Variants in PAPSS1 observed in about 807,000 individuals in gnomAD.
The protein encoded by PAPSS1 is bifunctional 3'-phosphoadenosine 5'-phosphosulfate synthase 1.
In PAPSS1, 50 loss-of-function variants were observed where a neutral mutation model predicts 72.0. That is an observed-to-expected ratio of 0.69 (90% confidence interval 0.55 to 0.88). The LOEUF (loss-of-function observed/expected upper bound fraction) is 0.88, where lower values mean the gene tolerates loss of function less well. PAPSS1 is among the 40% of genes least tolerant of loss of function. The probability of loss-of-function intolerance (pLI) is 0.00; values close to 1 mark genes in which losing one functional copy is unlikely to be tolerated. For synonymous variants in PAPSS1, 261 were observed against 263.6 expected (o/e 0.99, Z 0.09); for missense variants, 657 against 782.2 (o/e 0.84, Z 1.91).
intron 9 of PAPSS1, 126 bp downstream of exon 9, chr4:107,653,365 C>A: frequency 1.4e-6 from 1 of 711,090 alleles, no homozygotes; most frequent in East Asian, 2.9e-5. Flanking sequence ...GACTACCTTT[C>A]TTTACATATT....
chr4:107,714,092 C>G (rs1578441256), intron 1 of PAPSS1, among the ~76,000 whole-genome samples: 1 of 152,296 alleles, frequency 6.6e-6, no homozygotes, highest in South Asian at 2.1e-4. Context: ...CCAATTTTAG[C>G]AGAAATCCCC....
chr4:107,680,506 G>A (rs1274638962), intron 5 of PAPSS1, among the ~76,000 whole-genome samples: 1 of 152,172 alleles, frequency 6.6e-6, no homozygotes, highest in Non-Finnish European at 1.5e-5. Context: ...GAAAGCCCCT[G>A]TGCCTCCCAG....
chr4:107,635,889 C>G (rs573463877), intron 10 of PAPSS1, among the ~76,000 whole-genome samples: 9 of 152,250 alleles, frequency 5.9e-5, no homozygotes, highest in Admixed American at 5.2e-4. Context: ...GTTTCATGGA[C>G]TTGGTGACAT....
At chr4:107,692,180 A>C (rs1722941398) in intron 3 of PAPSS1, among the ~76,000 whole-genome samples, 1 of 152,240 alleles carries the variant, frequency 6.6e-6, no homozygotes, top group Non-Finnish European at 1.5e-5. Flanking sequence ...AATAAAAGCA[A>C]AACTTGACAA....
chr4:107,716,950 T>A (rs1723654114), intron 1 of PAPSS1, among the ~76,000 whole-genome samples: 1 of 152,188 alleles, frequency 6.6e-6, no homozygotes, highest in Non-Finnish European at 1.5e-5. Flanking sequence ...TTTCCTTATA[T>A]TCTTTAACTC....
intron 6 of PAPSS1, among the ~76,000 whole-genome samples, chr4:107,659,272 AGTTTT>A (rs797005329): frequency 3.9e-5 from 6 of 152,296 alleles, no homozygotes; most frequent in African/African-American, 1.4e-4. Context: ...CAAGCCTAGA[AGTTTT>A]GTTTTGTTTT....
chr4:107,683,230 C>T (rs1181695833), intron 4 of PAPSS1, among the ~76,000 whole-genome samples: 1 of 152,082 alleles, frequency 6.6e-6, no homozygotes, highest in Non-Finnish European at 1.5e-5. Flanking sequence ...ATATATACTA[C>T]AAACCTACAG....
intron 3 of PAPSS1, among the ~76,000 whole-genome samples, chr4:107,691,095 C>A (rs567795635): frequency 1.3e-5 from 2 of 152,068 alleles, no homozygotes; most frequent in South Asian, 4.2e-4. Context: ...TTTTAGGACT[C>A]CTGCCATGGT....
intron 3 of PAPSS1, among the ~76,000 whole-genome samples, 163 bp downstream of exon 3, chr4:107,693,608 T>G (rs1722996921): frequency 6.6e-6 from 1 of 152,148 alleles, no homozygotes. Context: ...CATAGAAATG[T>G]TTTAGGTTAT....
rs763786456 is a variant in PAPSS1 at position 107,631,656 on chromosome 4, G to A, written c.1711C>T (p.Arg571Cys). ...TGTTCAGAGTCATAGTAGTCCATAC[G>A]CTTCTTTTTCTTGTTGTAAGCTGCA... ...RVAAYNKKKKRMDYYDSEHHE... is the reference protein window; with the variant it reads ...RVAAYNKKKKCMDYYDSEHHE... The change falls in exon 11 of 12, where the codon CGT becomes TGT. Residue 571 changes from arginine (R) to cysteine (C), a missense_variant. This residue lies in a region of PAPSS1 where 103 missense variants were observed against 93.8 expected (regional missense o/e 1.10). Coordinates refer to ENST00000265174, the MANE Select transcript of PAPSS1 (RefSeq NM_005443.5). 110 of 1,613,082 alleles carry A rather than the reference G, an allele frequency of 6.8e-5. No homozygotes were observed. Among genetic ancestry groups the A allele is most frequent in the Non-Finnish European group, 8.6e-5 (101 of 1,179,210 alleles).
chr4:107,646,663 T>C (rs1256221902), intron 9 of PAPSS1, among the ~76,000 whole-genome samples: 3 of 152,134 alleles, frequency 2.0e-5, no homozygotes, highest in African/African-American at 7.2e-5. Flanking sequence ...AGCCACACTA[T>C]GACAACAGCA....
At chr4:107,718,813 G>C (rs1318816708) in intron 1 of PAPSS1, among the ~76,000 whole-genome samples, 1 of 152,258 alleles carries the variant, frequency 6.6e-6, no homozygotes, top group Non-Finnish European at 1.5e-5. Context: ...TAAGGTAAGA[G>C]AAGCGAAACT....
intron 10 of PAPSS1, among the ~76,000 whole-genome samples, chr4:107,633,993 AG>A (rs1242459909): frequency 6.6e-6 from 1 of 151,702 alleles, no homozygotes; most frequent in African/African-American, 2.4e-5. Flanking sequence ...TCAAATTAGC[AG>A]CAATTCTATG....
At chr4:107,636,943 A>G (rs1245679520) in intron 10 of PAPSS1, among the ~76,000 whole-genome samples, 1 of 152,230 alleles carries the variant, frequency 6.6e-6, no homozygotes, top group South Asian at 2.1e-4. Flanking sequence ...TCAAACAAGT[A>G]AGAATTAGTT....
chr4:107,703,757 G>A (rs992278950), intron 1 of PAPSS1, among the ~76,000 whole-genome samples: 1 of 152,148 alleles, frequency 6.6e-6, no homozygotes, highest in Non-Finnish European at 1.5e-5. Context: ...TATAGCTTCA[G>A]AGTGTGTTTT....
intron 11 of PAPSS1, among the ~76,000 whole-genome samples, chr4:107,628,607 T>A (rs1191799084): frequency 6.6e-6 from 1 of 152,218 alleles, no homozygotes; most frequent in East Asian, 1.9e-4. Context: ...AAAAAAATTA[T>A]CTGTTTTGCT....
chr4:107,635,043 C>T (rs1192128779), intron 10 of PAPSS1, among the ~76,000 whole-genome samples: 4 of 152,070 alleles, frequency 2.6e-5, no homozygotes, highest in African/African-American at 7.2e-5. Context: ...TGTGATCCGC[C>T]CGCCTTGGCC....
intron 5 of PAPSS1, among the ~76,000 whole-genome samples, chr4:107,674,313 G>A (rs1180274793): frequency 1.3e-5 from 2 of 152,088 alleles, no homozygotes; most frequent in Non-Finnish European, 2.9e-5. Context: ...GACACACATA[G>A]GCTCAAATAA....
intron 4 of PAPSS1, among the ~76,000 whole-genome samples, chr4:107,684,232 C>T (rs55869415): frequency 5.9e-5 from 9 of 152,068 alleles, no homozygotes; most frequent in African/African-American, 2.2e-4. Context: ...TTTTATCTTG[C>T]CCAAATTCCT....
Sources: gnomAD v4.1 joint callset for allele counts (sites outside exome capture counted in the v4.1 genomes callset) on GRCh38, gnomAD v4.1.1 for gene constraint, gnomAD v4.1.1 regional missense constraint, MANE v1.5 for transcripts, NCBI Gene and HGNC (gene_info 2026-07-23, HGNC 2026-07-21) for gene names.